Variants in IGFL4 observed in about 807,000 individuals in gnomAD.
The protein encoded by IGFL4 is insulin growth factor-like family member 4.
A neutral mutation model predicts 15.4 loss-of-function variants in IGFL4; 12 were observed. That is an observed-to-expected ratio of 0.78 (90% confidence interval 0.50 to 1.26). IGFL4 has a LOEUF of 1.26. IGFL4 is among the 50% of genes most tolerant of loss of function. The pLI, the probability that IGFL4 is intolerant of heterozygous loss-of-function variation, is 0.00. For synonymous variants in IGFL4, 54 were observed against 55.9 expected (o/e 0.97, Z 0.16); for missense variants, 126 against 147.8 (o/e 0.85, Z 0.76).
At position 46,072,921 on chromosome 19, in the gene IGFL4, G is replaced by A. The variant is rs536883490; in HGVS notation, c.-432+4099C>T. On this transcript the variant is annotated intron_variant, in intron 1 of 5. Coordinates refer to the IGFL4 transcript ENST00000601672. ...TACCTTTGGCCATGAGTTAAACCCC[G>A]TAGTTAATGGATACCAAATAGAGAA... is the stretch of plus-strand genomic sequence containing the variant. 3.3e-5 allele frequency among the ~76,000 whole-genome samples: 5 copies of A among 152,196 alleles called. No individual in the cohort carries two copies. In the South Asian group the frequency reaches 6.2e-4, roughly 19 times the overall value.
At position 46,040,590 on chromosome 19, in the gene IGFL4, A is replaced by C; in HGVS notation, c.20-22T>G. ...GCAGCTGAGAAGCAGAAGGAGAGCG[A>C]GAATGATTCTGAGGTCACTAGGTCT... On this transcript the variant is annotated intron_variant, in intron 1 of 3. Coordinates refer to ENST00000377697, the MANE Select transcript of IGFL4 (RefSeq NM_001002923.3). The surrounding 1 kb of genome is among the most constrained non-coding windows in gnomAD (Gnocchi z 4.1). The C allele has an allele frequency of 6.2e-7, 1 of 1,613,750 alleles. No individual in the cohort carries two copies. Among genetic ancestry groups the C allele is most frequent in the Non-Finnish European group, 8.5e-7 (1 of 1,179,900 alleles).
In IGFL4 at chr19:46,059,553, A is replaced by C. The variant is rs1025039350; in HGVS notation, c.-323+632T>G. 51 of 152,186 alleles carry C rather than the reference A, an allele frequency of 3.4e-4. 2 individuals are homozygous for C. Among genetic ancestry groups the C allele is most frequent in the Admixed American group, 2.1e-3 (32 of 15,274 alleles). 9.4% of individuals were successfully genotyped at this position (152,186 alleles called of 1,614,324 possible). A position where few individuals can be genotyped will look rare whatever the true frequency, so the allele number is the denominator to read the frequency against. On this transcript the variant is annotated intron_variant, in intron 2 of 5. Transcript: ENST00000601672. ...CACTGGTTGGCTCACAGGAATAAGCAGTCAGTCTAAATTGCAGAAGAAAAC... is the reference window on the plus strand; with the variant it reads ...CACTGGTTGGCTCACAGGAATAAGCCGTCAGTCTAAATTGCAGAAGAAAAC...
At chr19:46,066,931 A>C (rs911841659) in intron 1 of IGFL4, among the ~76,000 whole-genome samples, 11 of 152,218 alleles carry the variant, frequency 7.2e-5, no homozygotes, top group Non-Finnish European at 2.9e-5. Flanking sequence ...ATGTTCACCC[A>C]ATCGTACTCC....
chr19:46,057,276 G>T (rs1969402035), intron 2 of IGFL4, among the ~76,000 whole-genome samples: 1 of 151,904 alleles, frequency 6.6e-6, no homozygotes, highest in Admixed American at 6.6e-5. Context: ...GTCTAGAGAG[G>T]GCAAGAGAGG....
At chr19:46,050,615 G>T (rs1210642004) in intron 2 of IGFL4, among the ~76,000 whole-genome samples, 1 of 152,020 alleles carries the variant, frequency 6.6e-6, no homozygotes, top group Non-Finnish European at 1.5e-5. Flanking sequence ...ATCCAACAGA[G>T]ACAAAGAAAA....
At chr19:46,057,511 GT>G (rs1969404028) in intron 2 of IGFL4, among the ~76,000 whole-genome samples, 2 of 152,126 alleles carry the variant, frequency 1.3e-5, no homozygotes, top group South Asian at 2.1e-4. Context: ...GTGAAAGCAA[GT>G]TTATTAAGAA....
At chr19:46,045,562 C>T (rs907624611), upstream of IGFL4, among the ~76,000 whole-genome samples, 13 of 151,710 alleles carry the variant, frequency 8.6e-5, no homozygotes, top group Non-Finnish European at 1.6e-4. Flanking sequence ...GACAGAATAG[C>T]CAGTTTAGAG....
intron 2 of IGFL4, among the ~76,000 whole-genome samples, chr19:46,052,530 T>C (rs1419136385): frequency 1.3e-5 from 2 of 152,064 alleles, no homozygotes; most frequent in Non-Finnish European, 2.9e-5. Context: ...AGTCTGAGCC[T>C]GGCCAACATG....
chr19:46,052,953 A>T (rs62113444), intron 2 of IGFL4, among the ~76,000 whole-genome samples: 37,111 of 105,304 alleles, frequency 0.35, 5,834 homozygotes, highest in African/African-American at 0.45. Context: ...AAGCTTTGGG[A>T]GAAGTCAGAA....
At chr19:46,071,301 G>A (rs1014984404) in intron 1 of IGFL4, among the ~76,000 whole-genome samples, 3 of 152,086 alleles carry the variant, frequency 2.0e-5, no homozygotes, top group East Asian at 1.9e-4. Context: ...TGACTATGTT[G>A]GGGGTAAGGA....
intron 1 of IGFL4, among the ~76,000 whole-genome samples, chr19:46,068,518 C>A (rs368387384): frequency 6.6e-6 from 1 of 152,182 alleles, no homozygotes; most frequent in Admixed American, 6.5e-5. Context: ...TATTTGTCAT[C>A]CCGCTTTGTT....
At chr19:46,067,594 C>A (rs1053524109) in intron 1 of IGFL4, among the ~76,000 whole-genome samples, 1 of 152,154 alleles carries the variant, frequency 6.6e-6, no homozygotes, top group Admixed American at 6.5e-5. Context: ...CGACCCCATT[C>A]GTTTCCCACA....
At chr19:46,069,406 GAAGTA>G (rs1337505094) in intron 1 of IGFL4, among the ~76,000 whole-genome samples, 1 of 152,152 alleles carries the variant, frequency 6.6e-6, no homozygotes, top group Non-Finnish European at 1.5e-5. Flanking sequence ...TTCAGTCTGA[GAAGTA>G]AAGATTACAT....
intron 1 of IGFL4, among the ~76,000 whole-genome samples, chr19:46,072,906 C>T (rs1280323835): frequency 6.6e-6 from 1 of 152,038 alleles, no homozygotes; most frequent in African/African-American, 2.4e-5. Context: ...TACCTTTGGC[C>T]ATGAGTTAAA....
At chr19:46,069,459 C>T (rs887620247) in intron 1 of IGFL4, among the ~76,000 whole-genome samples, 2 of 152,196 alleles carry the variant, frequency 1.3e-5, no homozygotes, top group Non-Finnish European at 2.9e-5. Context: ...TTCCTACCCT[C>T]CCCAAAGGTA....
In IGFL4 at chr19:46,040,632, G is replaced by A. The variant is rs182621074; in HGVS notation, c.20-64C>T. On this transcript the variant is annotated intron_variant, in intron 1 of 3. Transcript: ENST00000377697. This position sits in a 1 kb window ranked among gnomAD's most constrained non-coding sequence, Gnocchi z 4.1. The stretch of plus-strand genomic sequence containing the variant: ...ACTAGGTCTTGACCACGGGGCACAG[G>A]ATGATGTCTCTGAGCTTCTCTGGTT... The A allele has an allele frequency of 3.2e-6, 5 of 1,553,806 alleles. No individual in the cohort carries two copies. In the East Asian group the frequency reaches 9.0e-5, roughly 28 times the overall value.
chr19:46,042,940 ACCAGAGAGTGTTCTG>A (rs1026189274), upstream of IGFL4, among the ~76,000 whole-genome samples: 1 of 152,172 alleles, frequency 6.6e-6, no homozygotes, highest in Non-Finnish European at 1.5e-5. Flanking sequence ...TTCTGGGAAG[ACCAGAGAGTGTTCTG>A]CCATGACATA....
At chr19:46,042,015 A>G (rs1329721306), upstream of IGFL4, among the ~76,000 whole-genome samples, 1 of 150,822 alleles carries the variant, frequency 6.6e-6, no homozygotes, top group Non-Finnish European at 1.5e-5. Flanking sequence ...ATTTTTTTGT[A>G]TTTTTCATAG....
chr19:46,050,852 C>A (rs1969339383), intron 2 of IGFL4, among the ~76,000 whole-genome samples: 1 of 152,128 alleles, frequency 6.6e-6, no homozygotes, highest in African/African-American at 2.4e-5. Context: ...AAGATCATCA[C>A]CCAGGCACAT....
Sources: allele counts gnomAD v4.1 joint callset (sites outside exome capture counted in the v4.1 genomes callset), GRCh38; gene constraint gnomAD v4.1.1; non-coding constraint Gnocchi (gnomAD v3.1); transcripts MANE v1.5; gene names NCBI Gene and HGNC (gene_info 2026-07-23, HGNC 2026-07-21).